TMPRSS4: variants seen among roughly 807,000 people sequenced by gnomAD.
The protein encoded by TMPRSS4 is transmembrane serine protease 4, also known as transmembrane protease serine 4.
Under a neutral mutation model 56.4 loss-of-function variants are expected in TMPRSS4, and 45 were observed. The ratio of observed to expected loss-of-function variants is 0.80; its 90% confidence interval spans 0.63 to 1.02. TMPRSS4 has a LOEUF of 1.02. TMPRSS4 is among the 50% of genes least tolerant of loss of function. TMPRSS4 has a pLI of 0.00. For missense variants in TMPRSS4, 546 were observed against 556.7 expected (o/e 0.98, Z 0.19); for synonymous variants, 205 against 211.0 (o/e 0.97, Z 0.25).
downstream of TMPRSS4, among the ~76,000 whole-genome samples, chr11:118,124,688 A>G (rs1947856147): frequency 1.3e-5 from 2 of 152,228 alleles, no homozygotes; most frequent in African/African-American, 4.8e-5. Flanking sequence ...GAGCAGGTGA[A>G]TAGTAAAGAA....
intron 7 of TMPRSS4, 37 bp downstream of exon 7, chr11:118,108,933 G>A: frequency 1.2e-6 from 2 of 1,608,210 alleles, no homozygotes; most frequent in Non-Finnish European, 1.7e-6. Context: ...TGGGGCCTGG[G>A]CCAGCAATGA....
intron 6 of TMPRSS4, 64 bp downstream of exon 6, chr11:118,107,939 C>A: frequency 1.4e-6 from 2 of 1,406,376 alleles, no homozygotes; most frequent in Non-Finnish European, 2.0e-6. Context: ...CTTCAGGTTG[C>A]AACCAGCTCA....
At chr11:118,079,820 T>A (rs76308906) in intron 1 of TMPRSS4, among the ~76,000 whole-genome samples, 1 of 152,148 alleles carries the variant, frequency 6.6e-6, no homozygotes, top group Non-Finnish European at 1.5e-5. Flanking sequence ...CCACCCTGAC[T>A]GGGGCACAGA....
At chr11:118,101,286 G>A (rs140722287) in intron 3 of TMPRSS4, among the ~76,000 whole-genome samples, 1 of 152,180 alleles carries the variant, frequency 6.6e-6, no homozygotes, top group Non-Finnish European at 1.5e-5. Context: ...TGTATGGAAA[G>A]CTCCTGACAC....
chr11:118,110,490 C>A (rs57512110), intron 7 of TMPRSS4, among the ~76,000 whole-genome samples: 5 of 151,950 alleles, frequency 3.3e-5, no homozygotes, highest in African/African-American at 1.2e-4. Context: ...TACAGGCACC[C>A]GTCACCAGCC....
chr11:118,103,110 TTC>T lies in TMPRSS4; in HGVS notation c.169_170del (p.Leu57GlyfsTer2), dbSNP rs1946802358. On this transcript the variant is annotated frameshift_variant, in exon 4 of 13. Coordinates refer to ENST00000437212, the MANE Select transcript of TMPRSS4 (RefSeq NM_019894.4). LOFTEE classifies it high-confidence loss of function. Reference sequence around the variant, plus strand: ...TGCACTTGCCTTCCAGTCAAGGTGATTCTGGATAAATACTACTTCCTCTGCGG... The same window carrying T: ...TGCACTTGCCTTCCAGTCAAGGTGATTGGATAAATACTACTTCCTCTGCGG... 6.2e-7 allele frequency: 1 copy of T among 1,613,976 alleles called. No individual in the cohort carries two copies. The highest frequency in any genetic ancestry group is 1.3e-5 in the African/African-American group (1 of 74,928).
At chr11:118,095,689 G>GT (rs1403950161) in intron 2 of TMPRSS4, among the ~76,000 whole-genome samples, 1 of 152,186 alleles carries the variant, frequency 6.6e-6, no homozygotes, top group Non-Finnish European at 1.5e-5. Flanking sequence ...GGGAGTGAAC[G>GT]TGACTATGCA....
At chr11:118,096,933 A>G in intron 2 of TMPRSS4, among the ~76,000 whole-genome samples, 1 of 95,114 alleles carries the variant, frequency 1.1e-5, no homozygotes, top group South Asian at 3.4e-4. Context: ...GGAAAGAAAG[A>G]AAGAGAAAGA....
At chr11:118,111,511 A>G (rs575458262) in intron 7 of TMPRSS4, among the ~76,000 whole-genome samples, 4 of 148,034 alleles carry the variant, frequency 2.7e-5, no homozygotes, top group Admixed American at 2.7e-4. Flanking sequence ...TTAAACCAAA[A>G]TAAAAAAAAA....
chr11:118,109,403 A>G (rs1947167708), intron 7 of TMPRSS4, among the ~76,000 whole-genome samples: 1 of 152,242 alleles, frequency 6.6e-6, no homozygotes, highest in South Asian at 2.1e-4. Context: ...GCTGATGACT[A>G]AGTAAGAGAG....
At chr11:118,122,197 A>G (rs184179617), downstream of TMPRSS4, among the ~76,000 whole-genome samples, 114 of 152,344 alleles carry the variant, frequency 7.5e-4, no homozygotes, top group Non-Finnish European at 8.8e-5. Context: ...TAATAATCGC[A>G]ATAAATATTA....
At chr11:118,080,116 C>T (rs1326983681) in intron 1 of TMPRSS4, among the ~76,000 whole-genome samples, 1 of 152,196 alleles carries the variant, frequency 6.6e-6, no homozygotes, top group African/African-American at 2.4e-5. Flanking sequence ...AGGTTTCACC[C>T]TGCAGGTGCT....
downstream of TMPRSS4, among the ~76,000 whole-genome samples, chr11:118,123,767 G>T (rs376395840): frequency 6.6e-6 from 1 of 151,904 alleles, no homozygotes; most frequent in African/African-American, 2.4e-5. Context: ...CTCGTGATCC[G>T]CCCGCCTCAG....
intron 11 of TMPRSS4, 109 bp downstream of exon 11, chr11:118,115,389 C>T: frequency 7.4e-7 from 1 of 1,353,912 alleles, no homozygotes; most frequent in East Asian, 2.4e-5. Context: ...ATATCATGGG[C>T]ACTCAATGTG....
Position 118,118,131 on chromosome 11 carries a change from T to C in TMPRSS4, c.*218T>C. 7.0e-7 allele frequency: 1 copy of C among 1,422,494 alleles called. No individual in the cohort carries two copies. The highest frequency in any genetic ancestry group is 1.4e-5 in the African/African-American group (1 of 69,260). 88.1% of individuals were successfully genotyped at this position (1,422,494 alleles called of 1,614,324 possible). A position where few individuals can be genotyped will look rare whatever the true frequency, so the allele number is the denominator to read the frequency against. On this transcript the variant is annotated 3_prime_UTR_variant, in exon 13 of 13. Transcript: ENST00000437212. ...GTCAGCAGCCCTAGCTCGGCCACAC[T>C]TGGTGCTCCCAGCATCCCAGGGAGA...
intron 1 of TMPRSS4, among the ~76,000 whole-genome samples, chr11:118,080,962 C>A (rs1022639474): frequency 2.0e-5 from 3 of 152,216 alleles, no homozygotes; most frequent in African/African-American, 7.2e-5. Flanking sequence ...AAAGTGCAAT[C>A]ATCTACCACA....
chr11:118,077,410 C>A (rs1944739746), intron 1 of TMPRSS4, 105 bp downstream of exon 1: 2 of 1,361,506 alleles, frequency 1.5e-6, no homozygotes, highest in Non-Finnish European at 2.0e-6. Context: ...TCTGTGACAC[C>A]TTCTAGGTTA....
chr11:118,104,868 C>T lies in TMPRSS4; in HGVS notation c.440+48C>T, dbSNP rs764809888. 3 of 1,500,390 alleles carry T rather than the reference C, an allele frequency of 2.0e-6. No homozygotes were observed. In the Admixed American group the frequency reaches 6.6e-5, roughly 33 times the overall value. The allele number at this position is 1,500,390 out of a possible 1,614,324, so 92.9% of individuals were successfully genotyped here. ...CTTTTTCCCTCCTTCCTCCTTCCTC[C>T]TCTTCCTCCTTTCCTTCCTCCCTTC... On this transcript the variant is annotated intron_variant, in intron 5 of 12. Transcript: ENST00000437212.
At chr11:118,115,799 G>A (rs1440362636) in intron 11 of TMPRSS4, among the ~76,000 whole-genome samples, 1 of 152,140 alleles carries the variant, frequency 6.6e-6, no homozygotes, top group Non-Finnish European at 1.5e-5. Context: ...CTCCAGCCTG[G>A]GTGACCCAGC....
Sources: allele counts gnomAD v4.1 joint callset (sites outside exome capture counted in the v4.1 genomes callset), GRCh38; gene constraint gnomAD v4.1.1; transcripts MANE v1.5; gene names NCBI Gene and HGNC (gene_info 2026-07-23, HGNC 2026-07-21).